The following BPNT1 variants were observed in gnomAD, a reference collection of about 807,000 sequenced individuals.
The protein encoded by BPNT1 is 3'(2'), 5'-bisphosphate nucleotidase 1.
Under a neutral mutation model 36.9 loss-of-function variants are expected in BPNT1, and 28 were observed. That is an observed-to-expected ratio of 0.76 (90% CI 0.56 to 1.04). The LOEUF (loss-of-function observed/expected upper bound fraction) is 1.04, where lower values mean the gene tolerates loss of function less well. Among genes scored for constraint, BPNT1 ranks in the 50% least tolerant of loss-of-function variants. The pLI is 0.00. For missense variants in BPNT1, 313 were observed against 372.9 expected, an observed-to-expected ratio of 0.84 and a Z score of 1.32; for synonymous variants, 119 against 130.9, an observed-to-expected ratio of 0.91 and a Z score of 0.62.
chr1:220,076,357 T>C (rs534498169), intron 2 of BPNT1, among the ~76,000 whole-genome samples: 5 of 151,628 alleles, frequency 3.3e-5, no homozygotes, highest in African/African-American at 1.2e-4. Context: ...AAAAATTAGC[T>C]GGGTGTGGTG....
At chr1:220,074,701 G>A (rs1332708946) in intron 2 of BPNT1, among the ~76,000 whole-genome samples, 1 of 151,736 alleles carries the variant, frequency 6.6e-6, no homozygotes, top group Admixed American at 6.6e-5. Flanking sequence ...TCACCATGTT[G>A]GCCAGGATGG....
At chr1:220,061,945 G>A (rs762064954) in intron 7 of BPNT1, among the ~76,000 whole-genome samples, 3 of 151,688 alleles carry the variant, frequency 2.0e-5, no homozygotes, top group Non-Finnish European at 4.4e-5. Flanking sequence ...GAAGGGCTAG[G>A]AAATAATCTA....
At chr1:220,089,137 AAGG>A (rs138354972) in intron 1 of BPNT1, among the ~76,000 whole-genome samples, 20,139 of 145,176 alleles carry the variant, frequency 0.14, 1,814 homozygotes, top group Admixed American at 0.2. Flanking sequence ...AAGGAGGAGG[AAGG>A]AGGAGGAAGA....
intron 6 of BPNT1, among the ~76,000 whole-genome samples, chr1:220,065,493 T>C (rs1162970246): frequency 4.6e-5 from 7 of 152,162 alleles, no homozygotes; most frequent in South Asian, 2.1e-4. Context: ...CTAGTTTCAG[T>C]ATATGTTGGA....
intron 1 of BPNT1, among the ~76,000 whole-genome samples, chr1:220,082,940 A>G (rs1456360311): frequency 6.6e-6 from 1 of 152,124 alleles, no homozygotes; most frequent in African/African-American, 2.4e-5. Flanking sequence ...CAAAAGGAAG[A>G]TGGAATTGAA....
chr1:220,068,367 A>G (rs1015942079), intron 5 of BPNT1, among the ~76,000 whole-genome samples: 2 of 151,346 alleles, frequency 1.3e-5, no homozygotes, highest in Non-Finnish European at 2.9e-5. Flanking sequence ...TATTTTTAGG[A>G]GAGAAGGTGT....
chr1:220,088,988 C>A (rs560527127), intron 1 of BPNT1, among the ~76,000 whole-genome samples: 3 of 149,630 alleles, frequency 2.0e-5, no homozygotes, highest in Non-Finnish European at 4.4e-5. Context: ...GTAGTCCCAG[C>A]TACTCGGGAG....
In BPNT1 at chr1:220,058,849, G is replaced by A. The variant is rs149911255; in HGVS notation, c.922C>T (p.Pro308Ser). 3.6e-3 allele frequency: 5,756 copies of A among 1,613,906 alleles called. 28 individuals carry two copies. Among genetic ancestry groups the A allele is most frequent in the Non-Finnish European group, 3.6e-3 (4,213 of 1,179,898 alleles). The change falls in exon 9 of 9, where the codon CCT becomes TCT. Residue 308 changes from proline (P) to serine (S), a missense_variant. Coordinates refer to ENST00000322067, the MANE Select transcript of BPNT1 (RefSeq NM_006085.6). ...CGGCCAAATGAAACTTTCCTTTAAG[G>A]AACAAGTGCATTTTTAATAGATTCT... ...VPESIKNALVP is the reference protein window; with the variant it reads ...VPESIKNALVS
At chr1:220,073,587 T>G (rs529112557) in intron 3 of BPNT1, among the ~76,000 whole-genome samples, 3 of 152,184 alleles carry the variant, frequency 2.0e-5, no homozygotes, top group Non-Finnish European at 4.4e-5. Context: ...CCACTGCGCC[T>G]GGCCTAATTC....
chr1:220,066,161 G>T, intron 6 of BPNT1: 2 of 1,407,172 alleles, frequency 1.4e-6, no homozygotes, highest in Non-Finnish European at 9.5e-7. Context: ...GAAAGAAGTG[G>T]TGAAAATTAT....
At chr1:220,087,098 G>A (rs895302920) in intron 1 of BPNT1, among the ~76,000 whole-genome samples, 2 of 147,870 alleles carry the variant, frequency 1.4e-5, no homozygotes, top group African/African-American at 5.0e-5. Context: ...TTGATATTTT[G>A]ATATAAATAC....
At position 220,057,789 on chromosome 1, in the gene BPNT1, A is replaced by T. The variant is rs748868507; in HGVS notation, c.*1055T>A. The T allele has an allele frequency of 9.1e-7, 1 of 1,097,346 alleles. No homozygotes were observed. The highest frequency in any genetic ancestry group is 1.6e-5 in the African/African-American group (1 of 61,614). 68.0% of individuals were successfully genotyped at this position (1,097,346 alleles called of 1,614,324 possible). On this transcript the variant is annotated 3_prime_UTR_variant, in exon 9 of 9. Transcript: ENST00000322067. ...ATAAATCTGTTTCATAAGCATATAT[A>T]ATAACATCATATATATTCTTAATTG...
chr1:220,082,083 T>TAGAGAGAGAG (rs1239049784), intron 1 of BPNT1, among the ~76,000 whole-genome samples: 6 of 110,838 alleles, frequency 5.4e-5, no homozygotes, highest in African/African-American at 2.0e-4. Context: ...TATATATATA[T>TAGAGAGAGAG]ATAGAGAGAG....
intron 1 of BPNT1, among the ~76,000 whole-genome samples, chr1:220,080,526 G>A (rs892881508): frequency 1.3e-5 from 2 of 152,134 alleles, no homozygotes; most frequent in African/African-American, 4.8e-5. Context: ...AACAATCATG[G>A]CAGAAGACAA....
intron 2 of BPNT1, among the ~76,000 whole-genome samples, chr1:220,078,395 T>C (rs181658496): frequency 0.021 from 2,947 of 141,784 alleles, 52 homozygotes; most frequent in Non-Finnish European, 0.029. Flanking sequence ...TTATTATAAT[T>C]ATATATAAAT....
At chr1:220,078,153 A>T (rs994124555) in intron 2 of BPNT1, among the ~76,000 whole-genome samples, 2 of 149,720 alleles carry the variant, frequency 1.3e-5, no homozygotes, top group Non-Finnish European at 3.0e-5. Context: ...GCACTCCAGC[A>T]TTGGGCAACA....
At position 220,088,501 on chromosome 1, in the gene BPNT1, A is replaced by G. The variant is rs12046760; in HGVS notation, c.-9+1185T>C. ...CTCAAAAAAAAAAAAAAAAAAAAAAATTGTCGCTGAATGCAGTGGCTCACA... is the reference window on the plus strand; with the variant it reads ...CTCAAAAAAAAAAAAAAAAAAAAAAGTTGTCGCTGAATGCAGTGGCTCACA... On this transcript the variant is annotated intron_variant, in intron 1 of 8. Coordinates refer to ENST00000322067, the MANE Select transcript of BPNT1 (RefSeq NM_006085.6). 2.4e-3 allele frequency among the ~76,000 whole-genome samples: 354 copies of G among 145,448 alleles called. 8 individuals carry two copies. The East Asian group carries it at 0.058, about 24-fold the overall frequency.
chr1:220,058,567 T>C lies in BPNT1; in HGVS notation c.*277A>G. On this transcript the variant is annotated 3_prime_UTR_variant, in exon 9 of 9. Transcript: ENST00000322067. ...TTTTTCTGAGACAGGGCTTAACTCC[T>C]GTCACTCAGGCTGGAGTGCAGTGGC... 1.1e-6 allele frequency: 1 copy of C among 919,836 alleles called. No homozygotes were observed. The highest frequency in any genetic ancestry group is 1.3e-6 in the Non-Finnish European group (1 of 751,382). 57.0% of individuals were successfully genotyped at this position (919,836 alleles called of 1,614,324 possible).
chr1:220,066,374 C>T (rs1369987618), intron 6 of BPNT1, among the ~76,000 whole-genome samples: 1 of 152,142 alleles, frequency 6.6e-6, no homozygotes, highest in Non-Finnish European at 1.5e-5. Flanking sequence ...ACCCCAGAGA[C>T]TTTCTCAATA....
Sources: gnomAD v4.1 joint callset for allele counts (sites outside exome capture counted in the v4.1 genomes callset) on GRCh38, gnomAD v4.1.1 for gene constraint, MANE v1.5 for transcripts, NCBI Gene and HGNC (gene_info 2026-07-23, HGNC 2026-07-21) for gene names.